Variants in PPM1E observed in about 807,000 individuals in gnomAD.
The protein encoded by PPM1E is protein phosphatase, Mg2+/Mn2+ dependent 1E, also known as protein phosphatase 1E.
A neutral mutation model predicts 65.9 loss-of-function variants in PPM1E; 20 were observed. The ratio of observed to expected loss-of-function variants is 0.30; its 90% confidence interval spans 0.21 to 0.44. The LOEUF (loss-of-function observed/expected upper bound fraction) is 0.44. Among genes scored for constraint, PPM1E ranks in the 20% least tolerant of loss-of-function variants. The pLI is 1.00. For missense variants in PPM1E, 713 were observed against 953.1 expected (o/e 0.75, Z 3.32); for synonymous variants, 352 against 374.9 (o/e 0.94, Z 0.70).
At chr17:58,797,579 T>C (rs2050218752) in intron 1 of PPM1E, among the ~76,000 whole-genome samples, 1 of 152,228 alleles carries the variant, frequency 6.6e-6, no homozygotes, top group African/African-American at 2.4e-5. Flanking sequence ...AGTATTTGAT[T>C]GTGTGAATGT....
At chr17:58,979,814 A>AT (rs757477303) in intron 6 of PPM1E, among the ~76,000 whole-genome samples, 160 bp from the exon 7 acceptor site, 148 of 152,350 alleles carry the variant, frequency 9.7e-4, no homozygotes, top group Non-Finnish European at 1.9e-3. Context: ...TTACCAGAGA[A>AT]TTTAAGTATT....
intron 1 of PPM1E, among the ~76,000 whole-genome samples, chr17:58,823,006 G>A (rs2050495977): frequency 6.6e-6 from 1 of 152,142 alleles, no homozygotes; most frequent in Non-Finnish European, 1.5e-5. Flanking sequence ...TGACTTATAC[G>A]ATGATTATTG....
intron 1 of PPM1E, among the ~76,000 whole-genome samples, chr17:58,791,301 TA>T (rs1446450853): frequency 6.6e-6 from 1 of 152,204 alleles, no homozygotes; most frequent in African/African-American, 2.4e-5. Flanking sequence ...CAGATTATGA[TA>T]AATGCTATAA....
At chr17:58,857,332 T>G (rs1323937486) in intron 1 of PPM1E, among the ~76,000 whole-genome samples, 1 of 152,130 alleles carries the variant, frequency 6.6e-6, no homozygotes, top group African/African-American at 2.4e-5. Flanking sequence ...ACAGTGGTTT[T>G]TGTTTGTTTC....
intron 1 of PPM1E, among the ~76,000 whole-genome samples, chr17:58,882,062 T>C (rs1348628408): frequency 2.0e-5 from 3 of 151,546 alleles, no homozygotes; most frequent in Non-Finnish European, 4.4e-5. Context: ...TCCCAGCTAT[T>C]TGGGAGGCTG....
chr17:58,849,539 C>T (rs1316118807), intron 1 of PPM1E, among the ~76,000 whole-genome samples: 1 of 152,178 alleles, frequency 6.6e-6, no homozygotes, highest in African/African-American at 2.4e-5. Context: ...ACCCAGTAGT[C>T]ATTCAGGATC....
chr17:58,862,563 G>T (rs1459609661), intron 1 of PPM1E, among the ~76,000 whole-genome samples: 1 of 152,160 alleles, frequency 6.6e-6, no homozygotes, highest in Non-Finnish European at 1.5e-5. Flanking sequence ...TCCTTGTGAT[G>T]GTGGTAGCTG....
chr17:58,971,854 C>T (rs1180296739), intron 4 of PPM1E, among the ~76,000 whole-genome samples: 3 of 152,230 alleles, frequency 2.0e-5, no homozygotes, highest in Non-Finnish European at 4.4e-5. Flanking sequence ...GGGCAAGTCA[C>T]ATAACCTGCC....
rs767921547 is a variant in PPM1E at position 58,955,760 on chromosome 17, G to C, written c.576G>C (p.Gly192=). The C allele has an allele frequency of 3.1e-6, 5 of 1,596,610 alleles. No homozygotes were observed. The highest frequency in any genetic ancestry group is 1.2e-5 in the South Asian group (1 of 86,388). ...CAAAGGAAACGGATGGCACAGAAGG[G>C]ACTGTGGGTGAGTACCTTTCTACAT... ...YIPKETDGTE[G]TVEIETVKLA... The change falls in exon 2 of 7, where the codon GGG becomes GGC. Residue 192 remains glycine (G), a synonymous_variant. Transcript: ENST00000308249.
chr17:58,980,030 C>T lies in PPM1E; in HGVS notation c.1267C>T (p.Leu423=). 5 of 1,614,138 alleles carry T rather than the reference C, an allele frequency of 3.1e-6. No homozygotes were observed. Among genetic ancestry groups the T allele is most frequent in the Non-Finnish European group, 4.2e-6 (5 of 1,180,018 alleles). ...GGATGCAGATTCTGCCTCCACTGTT[C>T]TGGATGGGACCGAAGACTACCTCAT... ...CGDADSASTV[L]DGTEDYLILA... The change falls in exon 7 of 7, where the codon CTG becomes TTG. Residue 423 remains leucine (L), a synonymous_variant. Transcript: ENST00000308249. This position sits in a 1 kb window ranked among gnomAD's most constrained non-coding sequence, Gnocchi z 4.7.
intron 1 of PPM1E, among the ~76,000 whole-genome samples, chr17:58,952,184 C>T (rs1238843358): frequency 6.6e-6 from 1 of 152,186 alleles, no homozygotes; most frequent in Non-Finnish European, 1.5e-5. Flanking sequence ...TGTAGCTTTA[C>T]TGGGGTTGGG....
At chr17:58,905,113 C>T (rs1241718482) in intron 1 of PPM1E, among the ~76,000 whole-genome samples, 1 of 152,132 alleles carries the variant, frequency 6.6e-6, no homozygotes, top group Non-Finnish European at 1.5e-5. Context: ...GGTTTTTTGA[C>T]TCTTTCAGAT....
At chr17:58,947,856 T>G (rs926202120) in intron 1 of PPM1E, among the ~76,000 whole-genome samples, 1 of 152,180 alleles carries the variant, frequency 6.6e-6, no homozygotes, top group African/African-American at 2.4e-5. Context: ...GTTGGAAGAC[T>G]CAGGCTGGGG....
At chr17:58,928,697 C>G (rs1197673975) in intron 1 of PPM1E, among the ~76,000 whole-genome samples, 1 of 150,292 alleles carries the variant, frequency 6.7e-6, no homozygotes, top group Non-Finnish European at 1.5e-5. Context: ...ATTACTCACA[C>G]ACGAATTTTT....
At chr17:58,798,512 C>T (rs187861945) in intron 1 of PPM1E, among the ~76,000 whole-genome samples, 28 of 150,034 alleles carry the variant, frequency 1.9e-4, no homozygotes, top group African/African-American at 6.6e-4. Context: ...CGTGATCCAC[C>T]GCACACGGCC....
chr17:58,880,767 G>A (rs1242850251), intron 1 of PPM1E, among the ~76,000 whole-genome samples: 1 of 151,982 alleles, frequency 6.6e-6, no homozygotes, highest in African/African-American at 2.4e-5. Flanking sequence ...GGGACCATGG[G>A]CACATGCCAC....
At chr17:58,810,850 C>T (rs774046098) in intron 1 of PPM1E, among the ~76,000 whole-genome samples, 29 of 152,032 alleles carry the variant, frequency 1.9e-4, no homozygotes, top group Non-Finnish European at 3.5e-4. Context: ...ACTATATGGT[C>T]GGTTTTCTGT....
chr17:58,756,008 G>T lies in PPM1E; in HGVS notation c.11G>T (p.Cys4Phe), dbSNP rs2144113400. Residue 4 changes from cysteine to phenylalanine, a missense_variant, in exon 1 of 7, where the codon TGC becomes TTC. By Grantham distance (205) the Cys-to-Phe change is radical (BLOSUM62 -2). This residue lies in a region of PPM1E where 212 missense variants were observed against 204.0 expected (regional missense o/e 1.04). Coordinates refer to ENST00000308249, the MANE Select transcript of PPM1E (RefSeq NM_014906.5). ...GGGGCATGAGCAGCGATGGCCGGCT[G>T]CATCCCTGAGGAGAAAACTTACCGG... MAGCIPEEKTYRRF... is the reference protein window; with the variant it reads MAGFIPEEKTYRRF... The T allele has an allele frequency of 1.9e-6, 3 of 1,614,028 alleles. No homozygotes were observed. The East Asian group carries it at 6.7e-5, about 36-fold the overall frequency.
chr17:58,862,087 C>T (rs1249441956), intron 1 of PPM1E, among the ~76,000 whole-genome samples: 2 of 152,166 alleles, frequency 1.3e-5, no homozygotes. Context: ...AAGGCCATTA[C>T]AATAATACAA....
Sources: allele counts gnomAD v4.1 joint callset (sites outside exome capture counted in the v4.1 genomes callset), GRCh38; gene constraint gnomAD v4.1.1; regional missense constraint gnomAD v4.1.1; non-coding constraint Gnocchi (gnomAD v3.1); transcripts MANE v1.5; gene names NCBI Gene and HGNC (gene_info 2026-07-23, HGNC 2026-07-21).